ENPP3: variants seen among roughly 807,000 people sequenced by gnomAD.
ENPP3 encodes ectonucleotide pyrophosphatase/phosphodiesterase family member 3.
In ENPP3, 104 loss-of-function variants were observed where a neutral mutation model predicts 117.8. The ratio of observed to expected loss-of-function variants is 0.88; its 90% CI spans 0.75 to 1.04. ENPP3 has a LOEUF of 1.04. ENPP3 is among the 50% of genes least tolerant of loss of function. The probability of loss-of-function intolerance (pLI) is 0.00; values close to 1 mark genes in which losing one functional copy is unlikely to be tolerated. For missense variants in ENPP3, 1,026 were observed against 1,051.9 expected (o/e 0.98, Z 0.34); for synonymous variants, 380 against 349.9 (o/e 1.09, Z -0.96).
intron 14 of ENPP3, among the ~76,000 whole-genome samples, chr6:131,687,056 G>A (rs1296371920): frequency 6.6e-6 from 1 of 152,130 alleles, no homozygotes; most frequent in African/African-American, 2.4e-5. Flanking sequence ...TGGGTAGAAT[G>A]GTATCTCTGT....
chr6:131,704,495 C>T, intron 15 of ENPP3, among the ~76,000 whole-genome samples: 2 of 147,632 alleles, frequency 1.4e-5, no homozygotes, highest in South Asian at 2.1e-4. Context: ...TTGATAATAT[C>T]TGGTCCTGCC....
chr6:131,720,669 C>G (rs1233695450), intron 17 of ENPP3, among the ~76,000 whole-genome samples: 3 of 152,122 alleles, frequency 2.0e-5, no homozygotes, highest in Non-Finnish European at 4.4e-5. Context: ...GGAACCTCCG[C>G]CTCCCAGGTT....
intron 14 of ENPP3, among the ~76,000 whole-genome samples, chr6:131,688,175 A>G (rs62423411): frequency 0.015 from 2,226 of 152,308 alleles, 25 homozygotes; most frequent in Middle Eastern, 0.051. Context: ...TTGGGGCACC[A>G]TGAATCCTAC....
At chr6:131,701,921 C>G (rs1366417372) in intron 15 of ENPP3, among the ~76,000 whole-genome samples, 3 of 150,792 alleles carry the variant, frequency 2.0e-5, no homozygotes, top group Non-Finnish European at 4.4e-5. Flanking sequence ...AAAACGCGTG[C>G]ACACGTATAC....
At chr6:131,677,739 C>A (rs572989599) in intron 10 of ENPP3, 129 bp from the exon 11 acceptor site, 76 of 616,376 alleles carry the variant, frequency 1.2e-4, no homozygotes, top group South Asian at 8.1e-4. Context: ...TGGGTCTGAA[C>A]AAGGAGGAGG....
chr6:131,672,474 A>G (rs1778765631), intron 7 of ENPP3, among the ~76,000 whole-genome samples: 1 of 152,144 alleles, frequency 6.6e-6, no homozygotes, highest in Non-Finnish European at 1.5e-5. Flanking sequence ...ATATACATAA[A>G]TAATGTGACT....
Position 131,724,097 on chromosome 6 carries a change from T to C in ENPP3, c.1798+6T>C, listed in dbSNP as rs746070603. The C allele has an allele frequency of 1.3e-6, 2 of 1,599,798 alleles. No individual in the cohort carries two copies. Among genetic ancestry groups the C allele is most frequent in the Admixed American group, 3.3e-5 (2 of 59,900 alleles). On this transcript the variant is annotated splice_donor_region_variant and intron_variant, in intron 19 of 24. Coordinates refer to ENST00000357639, the MANE Select transcript of ENPP3 (RefSeq NM_005021.5). The stretch of plus-strand genomic sequence containing the variant: ...AAATCTCACCCAAGAAGAAAGTAAG[T>C]CAATAGAAAACATGTTAAGTCTTTG...
chr6:131,700,703 C>G lies in ENPP3; in HGVS notation c.1412+7079C>G, dbSNP rs551502099. On this transcript the variant is annotated intron_variant, in intron 15 of 24. Transcript: ENST00000357639. The stretch of plus-strand genomic sequence containing the variant: ...AGAAGCAGGTGCGGAAGGCTTTCCT[C>G]TGAACTTCCCTTGATTGGATCTGAA... 4.5e-6 allele frequency: 7 copies of G among 1,558,510 alleles called. 1 individual carries two copies. Among genetic ancestry groups the G allele is most frequent in the Non-Finnish European group, 6.0e-6 (7 of 1,165,858 alleles).
intron 6 of ENPP3, 79 bp from the exon 7 acceptor site, chr6:131,671,169 C>G: frequency 1.2e-6 from 1 of 820,006 alleles, no homozygotes; most frequent in African/African-American, 1.7e-5. Flanking sequence ...TTCTGAGAGA[C>G]TTTCATGTTC....
rs934444657 is a variant in ENPP3 at position 131,648,626 on chromosome 6, T to C, written c.155-1401T>C. 7.2e-5 allele frequency among the ~76,000 whole-genome samples: 11 copies of C among 152,186 alleles called. 1 individual carries two copies. In the South Asian group the frequency reaches 1.4e-3, roughly 20 times the overall value. On this transcript the variant is annotated intron_variant, in intron 2 of 24. Coordinates refer to ENST00000357639, the MANE Select transcript of ENPP3 (RefSeq NM_005021.5). ...TTCATAGAATAAATAAGTAAATGAA[T>C]TAATTTAAAACTATGCACTGGTTTT...
At chr6:131,728,434 T>C (rs972514320) in intron 20 of ENPP3, among the ~76,000 whole-genome samples, 10 of 152,200 alleles carry the variant, frequency 6.6e-5, no homozygotes, top group African/African-American at 2.4e-4. Flanking sequence ...TTCTTTGTTA[T>C]TGTTTTAAAA....
intron 2 of ENPP3, among the ~76,000 whole-genome samples, chr6:131,647,423 G>T (rs1778174693): frequency 1.3e-5 from 2 of 152,208 alleles, no homozygotes; most frequent in South Asian, 4.1e-4. Context: ...ACACTATGGA[G>T]AATATTTCTC....
At chr6:131,740,635 C>G (rs1320879205) in intron 24 of ENPP3, among the ~76,000 whole-genome samples, 1 of 152,032 alleles carries the variant, frequency 6.6e-6, no homozygotes, top group Non-Finnish European at 1.5e-5. Context: ...TATTCACATT[C>G]ACTAATAATG....
chr6:131,658,592 T>C (rs1778435113), intron 6 of ENPP3, among the ~76,000 whole-genome samples, 172 bp downstream of exon 6: 1 of 152,254 alleles, frequency 6.6e-6, no homozygotes, highest in African/African-American at 2.4e-5. Flanking sequence ...TTTTCACGCT[T>C]GCTGGCTTCT....
intron 20 of ENPP3, among the ~76,000 whole-genome samples, chr6:131,727,002 A>G (rs1396528294): frequency 6.6e-6 from 1 of 152,236 alleles, no homozygotes; most frequent in African/African-American, 2.4e-5. Flanking sequence ...CAACATTAAA[A>G]ATGCAGAGGA....
At chr6:131,654,109 T>TTTA (rs35379106) in intron 5 of ENPP3, among the ~76,000 whole-genome samples, 17,308 of 143,196 alleles carry the variant, frequency 0.12, 2,094 homozygotes, top group African/African-American at 0.31. Context: ...AAATTTAAGT[T>TTTA]TTATTATTAT....
chr6:131,736,498 G>A (rs1232532081), intron 21 of ENPP3, among the ~76,000 whole-genome samples: 4 of 152,114 alleles, frequency 2.6e-5, no homozygotes, highest in Middle Eastern at 6.8e-3. Flanking sequence ...TCACGTGAAC[G>A]GCATGGGAAA....
intron 14 of ENPP3, among the ~76,000 whole-genome samples, chr6:131,689,339 T>TA (rs2114438687): frequency 6.6e-6 from 1 of 152,290 alleles, no homozygotes; most frequent in East Asian, 1.9e-4. Flanking sequence ...ACTCTTTTTT[T>TA]AGGGGCTAAT....
intron 24 of ENPP3, among the ~76,000 whole-genome samples, chr6:131,742,837 C>T (rs9493085): frequency 2.6e-4 from 39 of 152,052 alleles, no homozygotes; most frequent in African/African-American, 8.5e-4. Flanking sequence ...TCCATCTGGG[C>T]GTCAAGGTAA....
Sources: allele counts gnomAD v4.1 joint callset (sites outside exome capture counted in the v4.1 genomes callset), GRCh38; gene constraint gnomAD v4.1.1; transcripts MANE v1.5; gene names NCBI Gene and HGNC (gene_info 2026-07-23, HGNC 2026-07-21).